The following MID1 variants were observed in gnomAD, a reference collection of about 807,000 sequenced individuals.
MID1 encodes the protein E3 ubiquitin-protein ligase Midline-1.
Under a neutral mutation model 40.4 loss-of-function variants are expected in MID1, and 7 were observed. The ratio of observed to expected loss-of-function variants is 0.17; its 90% CI spans 0.10 to 0.33. The LOEUF (loss-of-function observed/expected upper bound fraction) is 0.33, where lower values mean the gene tolerates loss of function less well. Among genes scored for constraint, MID1 ranks in the 10% least tolerant of loss-of-function variants. The pLI, the probability that MID1 is intolerant of heterozygous loss-of-function variation, is 1.00. For missense variants in MID1, 367 were observed against 558.5 expected (o/e 0.66, Z 3.46); for synonymous variants, 229 against 221.2 (o/e 1.04, Z -0.31).
chrX:10,605,965 C>CG (rs1319953070), intron 1 of MID1, among the ~76,000 whole-genome samples: 1 of 110,914 alleles, frequency 9.0e-6, no homozygotes, highest in African/African-American at 3.3e-5. Context: ...TTAGCGTTCC[C>CG]GGGAGATTCA....
At chrX:10,692,923 T>C (rs1162517219) in intron 1 of MID1, among the ~76,000 whole-genome samples, 1 of 111,439 alleles carries the variant, frequency 9.0e-6, no homozygotes, top group Non-Finnish European at 1.9e-5. Context: ...GACAAAAGGA[T>C]AGTTCGAAGG....
chrX:10,736,552 G>A (rs2043489307), intron 1 of MID1, among the ~76,000 whole-genome samples: 1 of 112,001 alleles, frequency 8.9e-6, no homozygotes, highest in African/African-American at 3.3e-5. Context: ...AGGTCACTAG[G>A]CTGTCTTCAG....
intron 1 of MID1, among the ~76,000 whole-genome samples, chrX:10,770,723 A>G (rs1848518077): frequency 8.9e-6 from 1 of 112,052 alleles, no homozygotes; most frequent in Admixed American, 9.5e-5. Flanking sequence ...CAGCTCCTCT[A>G]AATTCTTCAT....
intron 8 of MID1, among the ~76,000 whole-genome samples, chrX:10,459,212 T>C (rs1332964537): frequency 1.8e-5 from 2 of 111,453 alleles, no homozygotes; most frequent in African/African-American, 6.5e-5. Context: ...GTGTCCCTGA[T>C]TGAGAACCAC....
At chrX:10,581,830 C>A (rs1252782363) in intron 1 of MID1, among the ~76,000 whole-genome samples, 1 of 111,671 alleles carries the variant, frequency 9.0e-6, no homozygotes, top group East Asian at 2.8e-4. Context: ...TACCACTGAT[C>A]TCCCACCATG....
At chrX:10,465,395 T>A (rs1929333586) in intron 7 of MID1, among the ~76,000 whole-genome samples, 1 of 108,320 alleles carries the variant, frequency 9.2e-6, no homozygotes, top group African/African-American at 3.4e-5. Context: ...ATTATCTCCT[T>A]AGTGTAAACA....
chrX:10,469,459 C>A, intron 7 of MID1: 1 of 1,099,540 alleles, frequency 9.1e-7, no homozygotes. Flanking sequence ...TTTCTGGCTT[C>A]TTTCCCTTAA....
At chrX:10,464,296 C>T (rs901360288) in intron 7 of MID1, among the ~76,000 whole-genome samples, 2 of 112,052 alleles carry the variant, frequency 1.8e-5, no homozygotes, top group African/African-American at 6.5e-5. Context: ...TCTATTAATG[C>T]ATCATGTTTG....
At chrX:10,548,004 C>T (rs1016703614) in intron 2 of MID1, among the ~76,000 whole-genome samples, 1 of 111,969 alleles carries the variant, frequency 8.9e-6, no homozygotes, top group Non-Finnish European at 1.9e-5. Context: ...TTTGCCAGTA[C>T]CTTCTAAAAG....
chrX:10,777,756 G>T (rs2043816264), intron 1 of MID1, among the ~76,000 whole-genome samples: 1 of 110,751 alleles, frequency 9.0e-6, no homozygotes, highest in Admixed American at 9.6e-5. Flanking sequence ...GGTCAGGCTG[G>T]TGTTGAACTC....
chrX:10,752,367 C>T (rs1324786219), intron 1 of MID1, among the ~76,000 whole-genome samples: 1 of 111,833 alleles, frequency 8.9e-6, no homozygotes, highest in African/African-American at 3.3e-5. Flanking sequence ...GTCAGTCTAC[C>T]TACTTCGAAT....
chrX:10,661,438 G>A (rs1171042042), intron 1 of MID1, among the ~76,000 whole-genome samples: 2 of 108,404 alleles, frequency 1.8e-5, no homozygotes, highest in South Asian at 4.1e-4. Flanking sequence ...TCAGCCTCCC[G>A]AGTAGCTGGG....
intron 1 of MID1, among the ~76,000 whole-genome samples, chrX:10,766,375 A>C (rs1227867349): frequency 9.0e-6 from 1 of 111,395 alleles, no homozygotes; most frequent in Non-Finnish European, 1.9e-5. Context: ...GTGGTGGTCT[A>C]TGGTGAACTG....
At chrX:10,580,944 A>C (rs1006111870) in intron 1 of MID1, among the ~76,000 whole-genome samples, 1 of 105,930 alleles carries the variant, frequency 9.4e-6, no homozygotes, top group Non-Finnish European at 1.9e-5. Flanking sequence ...AAAAAAAAAA[A>C]AAAAAAAAAA....
At chrX:10,490,845 C>T (rs1218577152) in intron 4 of MID1, among the ~76,000 whole-genome samples, 4 of 112,249 alleles carry the variant, frequency 3.6e-5, no homozygotes, top group Admixed American at 9.4e-5. Flanking sequence ...TGGACATTTT[C>T]AATGACTTAT....
intron 1 of MID1, among the ~76,000 whole-genome samples, chrX:10,676,673 C>A (rs752439579): frequency 9.0e-6 from 1 of 111,048 alleles, no homozygotes; most frequent in South Asian, 3.9e-4. Context: ...AATCCTCTCA[C>A]AAGGAAAACC....
At chrX:10,811,291 G>A (rs1028810220) in intron 1 of MID1, among the ~76,000 whole-genome samples, 8 of 112,241 alleles carry the variant, frequency 7.1e-5, no homozygotes, top group African/African-American at 1.6e-4. Flanking sequence ...CTTTGACTGC[G>A]TAATTTGGTT....
intron 9 of MID1, among the ~76,000 whole-genome samples, chrX:10,451,165 G>GACAT (rs375205569): frequency 0.018 from 2,019 of 111,627 alleles, 53 homozygotes; most frequent in African/African-American, 0.059. Context: ...CATCAATGTT[G>GACAT]CATCCTCTCT....
intron 1 of MID1, among the ~76,000 whole-genome samples, chrX:10,679,537 T>C (rs1018502392): frequency 2.7e-5 from 3 of 111,902 alleles, no homozygotes; most frequent in Admixed American, 9.5e-5. Flanking sequence ...GTCCGTTCAT[T>C]TGAGTATTGT....
Sources: gnomAD v4.1 joint callset for allele counts (sites outside exome capture counted in the v4.1 genomes callset) on GRCh38, gnomAD v4.1.1 for gene constraint, MANE v1.5 for transcripts, NCBI Gene and HGNC (gene_info 2026-07-23, HGNC 2026-07-21) for gene names.